IFT140: variants seen among roughly 807,000 people sequenced by gnomAD.
IFT140 encodes intraflagellar transport protein 140 homolog.
In IFT140, 133 loss-of-function variants were observed where a neutral mutation model predicts 164.6. The observed-to-expected ratio is 0.81, with a 90% CI of 0.70 to 0.93. The LOEUF (loss-of-function observed/expected upper bound fraction) is 0.93, where lower values mean the gene tolerates loss of function less well. IFT140 is among the 40% of genes least tolerant of loss of function. The pLI, the probability that IFT140 is intolerant of heterozygous loss-of-function variation, is 0.00. For synonymous variants in IFT140, 860 were observed against 817.3 expected (o/e 1.05, Z -0.89); for missense variants, 2,045 against 1,972.3 (o/e 1.04, Z -0.70).
At chr16:1,560,381 G>A (rs551000459) in intron 18 of IFT140, among the ~76,000 whole-genome samples, 1 of 152,312 alleles carries the variant, frequency 6.6e-6, no homozygotes, top group African/African-American at 2.4e-5. Context: ...CCAGGTTCGC[G>A]TTTGTGTGAA....
At chr16:1,518,479 T>G (rs922700094) in intron 29 of IFT140, 122 bp from the exon 30 acceptor site, 1 of 891,514 alleles carries the variant, frequency 1.1e-6, no homozygotes, top group Middle Eastern at 2.4e-4. Flanking sequence ...AAACTTTCTA[T>G]GAAGTTAAAT....
At position 1,525,339 on chromosome 16, in the gene IFT140, G is replaced by C. The variant is rs966437553; in HGVS notation, c.2769-13C>G. ...CGACTTCTCGTAGCTGTGAGAGAAG[G>C]AGACAGAGGTCCTCGTTCCCTCCCA... On this transcript the variant is annotated splice_polypyrimidine_tract_variant and intron_variant, in intron 21 of 30. Coordinates refer to ENST00000426508, the MANE Select transcript of IFT140 (RefSeq NM_014714.4). 1.2e-6 allele frequency: 2 copies of C among 1,602,392 alleles called. No individual in the cohort carries two copies. Among genetic ancestry groups the C allele is most frequent in the African/African-American group, 2.7e-5 (2 of 74,896 alleles).
At position 1,558,190 on chromosome 16, in the gene IFT140, A is replaced by G. The variant is rs990673418; in HGVS notation, c.2200-56T>C. 2.6e-6 allele frequency: 4 copies of G among 1,563,874 alleles called. No individual in the cohort carries two copies. In the Admixed American group the frequency reaches 5.0e-5, roughly 20 times the overall value. On this transcript the variant is annotated intron_variant, in intron 18 of 30. Coordinates refer to ENST00000426508, the MANE Select transcript of IFT140 (RefSeq NM_014714.4). The stretch of plus-strand genomic sequence containing the variant: ...ATTCATATGTAAAGCTGAAGCCCTC[A>G]CCCAGACCTCGTCCTCTGGATTTAG...
intron 3 of IFT140, among the ~76,000 whole-genome samples, chr16:1,604,987 T>C (rs998715233): frequency 2.0e-5 from 3 of 152,048 alleles, no homozygotes; most frequent in African/African-American, 7.3e-5. Flanking sequence ...TGAGGTCTCC[T>C]TGAAACACCC....
At chr16:1,572,963 G>C (rs560023798) in intron 13 of IFT140, among the ~76,000 whole-genome samples, 1 of 152,188 alleles carries the variant, frequency 6.6e-6, no homozygotes, top group African/African-American at 2.4e-5. Context: ...CTAGTGCATG[G>C]GAGCTGCACA....
chr16:1,515,039 T>C (rs1428120447), intron 30 of IFT140, among the ~76,000 whole-genome samples: 1 of 152,024 alleles, frequency 6.6e-6, no homozygotes, highest in Non-Finnish European at 1.5e-5. Flanking sequence ...AAATACAAAT[T>C]AATCCAAAGG....
In IFT140 at chr16:1,510,640, T is replaced by C; in HGVS notation, c.*304A>G. On this transcript the variant is annotated 3_prime_UTR_variant, in exon 31 of 31. Coordinates refer to ENST00000426508, the MANE Select transcript of IFT140 (RefSeq NM_014714.4). ...GCAGCTTCCTGAGGTTCTAGAAGTT[T>C]CTCAGGCTTTACAATGTGTAGTTGG... The C allele has an allele frequency of 2.1e-6, 1 of 466,712 alleles. No homozygotes were observed. Among genetic ancestry groups the C allele is most frequent in the Non-Finnish European group, 3.8e-6 (1 of 260,228 alleles). 28.9% of individuals were successfully genotyped at this position (466,712 alleles called of 1,614,324 possible).
intron 19 of IFT140, among the ~76,000 whole-genome samples, chr16:1,547,376 G>A (rs541841755): frequency 3.3e-5 from 5 of 152,268 alleles, no homozygotes; most frequent in South Asian, 2.1e-4. Context: ...TCCTGGAGAC[G>A]CTGACTTTAT....
chr16:1,524,971 A>G, intron 22 of IFT140, 55 bp from the exon 23 acceptor site: 9 of 1,566,382 alleles, frequency 5.7e-6, no homozygotes, highest in Non-Finnish European at 7.8e-6. Flanking sequence ...CCAACCCGGG[A>G]CGGCCCCCAC....
rs542240138 is a variant in IFT140, at chr16:1,532,311, C to G, written c.2400-5515G>C. 3 of 152,470 alleles carry G rather than the reference C, an allele frequency of 2.0e-5. No individual in the cohort carries two copies. In the South Asian group the frequency reaches 6.2e-4, roughly 32 times the overall value. 9.4% of individuals were successfully genotyped at this position (152,470 alleles called of 1,614,324 possible). On this transcript the variant is annotated intron_variant, in intron 19 of 30. Coordinates refer to ENST00000426508, the MANE Select transcript of IFT140 (RefSeq NM_014714.4). Reference sequence around the variant, plus strand: ...AGAAACCTGACGGACACGTCTGCGACAAATCCCCGGGGAAAATCCCCCCCA... The same window carrying G: ...AGAAACCTGACGGACACGTCTGCGAGAAATCCCCGGGGAAAATCCCCCCCA...
intron 24 of IFT140, 98 bp from the exon 25 acceptor site, chr16:1,524,054 C>G: frequency 6.9e-7 from 1 of 1,439,796 alleles, no homozygotes; most frequent in Non-Finnish European, 9.4e-7. Context: ...CGCCCCTTCA[C>G]TTTGACACAC....
At chr16:1,566,830 C>G (rs986787009) in intron 15 of IFT140, among the ~76,000 whole-genome samples, 1 of 152,164 alleles carries the variant, frequency 6.6e-6, no homozygotes, top group African/African-American at 2.4e-5. Flanking sequence ...AGGCTCCTGG[C>G]TGCCTCCTTC....
At chr16:1,596,095 G>A (rs940354095) in intron 4 of IFT140, among the ~76,000 whole-genome samples, 3 of 152,020 alleles carry the variant, frequency 2.0e-5, no homozygotes, top group South Asian at 2.1e-4. Flanking sequence ...ACCACTATTG[G>A]TGTATTTGTG....
At chr16:1,546,763 G>A (rs1464705011) in intron 19 of IFT140, among the ~76,000 whole-genome samples, 2 of 152,190 alleles carry the variant, frequency 1.3e-5, no homozygotes, top group East Asian at 1.9e-4. Context: ...CTGCTGTCCT[G>A]AGCCCGGCCT....
chr16:1,527,014 G>A, intron 19 of IFT140: 1 of 543,364 alleles, frequency 1.8e-6, no homozygotes, highest in Non-Finnish European at 3.2e-6. Flanking sequence ...CAAGAGGCAG[G>A]GGCCGGGTCC....
At chr16:1,567,772 T>C (rs1431821787) in intron 15 of IFT140, among the ~76,000 whole-genome samples, 1 of 152,104 alleles carries the variant, frequency 6.6e-6, no homozygotes, top group African/African-American at 2.4e-5. Flanking sequence ...GCCAGACCCT[T>C]CCATGTGGCT....
chr16:1,542,085 C>T (rs1262059591), intron 19 of IFT140: 7 of 1,595,822 alleles, frequency 4.4e-6, no homozygotes, highest in Non-Finnish European at 6.0e-6. Context: ...GAGTAAGTAC[C>T]TGGGCGGGTG....
intron 10 of IFT140, among the ~76,000 whole-genome samples, chr16:1,585,904 G>A: frequency 6.6e-6 from 1 of 151,534 alleles, no homozygotes; most frequent in East Asian, 1.9e-4. Flanking sequence ...CTGAGTAGCT[G>A]AGGCTACAGG....
intron 15 of IFT140, among the ~76,000 whole-genome samples, chr16:1,567,974 C>A (rs1416171407): frequency 1.3e-5 from 2 of 152,186 alleles, no homozygotes; most frequent in African/African-American, 2.4e-5. Flanking sequence ...TGGAGAAAGG[C>A]AGGGGACAGA....
Sources: gnomAD v4.1 joint callset for allele counts (sites outside exome capture counted in the v4.1 genomes callset) on GRCh38, gnomAD v4.1.1 for gene constraint, MANE v1.5 for transcripts, NCBI Gene and HGNC (gene_info 2026-07-23, HGNC 2026-07-21) for gene names.